Variants in CACNA1D observed in about 807,000 individuals in gnomAD.
The protein encoded by CACNA1D is calcium voltage-gated channel subunit alpha1 D, also known as voltage-dependent L-type calcium channel subunit alpha-1D.
A neutral mutation model predicts 257.1 loss-of-function variants in CACNA1D; 55 were observed. The observed-to-expected ratio is 0.21, with a 90% CI of 0.17 to 0.27. CACNA1D has a LOEUF of 0.27. Ranked by LOEUF, CACNA1D falls within the 10% of genes least tolerant of loss-of-function variation. The pLI is 1.00. For synonymous variants in CACNA1D, 980 were observed against 1,014.9 expected, an observed-to-expected ratio of 0.97 and a Z score of 0.65; for missense variants, 1,876 against 2,784.0, an observed-to-expected ratio of 0.67 and a Z score of 7.34.
At chr3:53,585,806 G>A (rs574987163) in intron 3 of CACNA1D, among the ~76,000 whole-genome samples, 1 of 152,278 alleles carries the variant, frequency 6.6e-6, no homozygotes, top group East Asian at 1.9e-4. Context: ...GTTTGACCTT[G>A]ACAACTTCCC....
At chr3:53,643,208 G>A (rs899679075) in intron 3 of CACNA1D, among the ~76,000 whole-genome samples, 1 of 152,160 alleles carries the variant, frequency 6.6e-6, no homozygotes, top group Non-Finnish European at 1.5e-5. Flanking sequence ...TCATGTAAAT[G>A]TGGTGTTAAA....
At chr3:53,613,010 G>A (rs1428433847) in intron 3 of CACNA1D, among the ~76,000 whole-genome samples, 1 of 152,140 alleles carries the variant, frequency 6.6e-6, no homozygotes, top group Non-Finnish European at 1.5e-5. Flanking sequence ...GCCGAAAAAT[G>A]CAGTTCTGTA....
chr3:53,527,780 G>A (rs2091817687), intron 3 of CACNA1D, among the ~76,000 whole-genome samples: 1 of 152,190 alleles, frequency 6.6e-6, no homozygotes, highest in Non-Finnish European at 1.5e-5. Flanking sequence ...GTGCCCAGTA[G>A]CCAATAGACT....
At chr3:53,514,534 C>A (rs1575722992) in intron 3 of CACNA1D, among the ~76,000 whole-genome samples, 1 of 152,106 alleles carries the variant, frequency 6.6e-6, no homozygotes, top group Admixed American at 6.5e-5. Flanking sequence ...GGGTCAAGCC[C>A]TTTCTGCATC....
chr3:53,715,204 A>G lies in CACNA1D; in HGVS notation c.1391-3097A>G, dbSNP rs377437175. On this transcript the variant is annotated intron_variant, in intron 9 of 47. Coordinates refer to ENST00000350061, the MANE Select transcript of CACNA1D (RefSeq NM_001128840.3). ...GTTTCCAGGACCAAATGAGGTCTCCAATTTCTAGCGTAGGCACTGTCCTCT... is the reference window on the plus strand; with the variant it reads ...GTTTCCAGGACCAAATGAGGTCTCCGATTTCTAGCGTAGGCACTGTCCTCT... Among the ~76,000 whole-genome samples, 283 of 152,264 alleles carry G rather than the reference A, an allele frequency of 1.9e-3. 6 individuals carry two copies. The South Asian group carries it at 0.048, about 26-fold the overall frequency.
intron 46 of CACNA1D, 139 bp from the exon 47 acceptor site, chr3:53,809,839 A>C: frequency 1.3e-6 from 1 of 779,886 alleles, no homozygotes; most frequent in Admixed American, 1.8e-5. Context: ...AGCGTACTTC[A>C]GTGTGCCCAT....
chr3:53,586,856 T>C (rs1254985589), intron 3 of CACNA1D, among the ~76,000 whole-genome samples: 1 of 152,168 alleles, frequency 6.6e-6, no homozygotes, highest in Non-Finnish European at 1.5e-5. Flanking sequence ...GATAATCTAA[T>C]AATTGAAAAT....
At chr3:53,525,712 T>C (rs1304473411) in intron 3 of CACNA1D, among the ~76,000 whole-genome samples, 1 of 152,172 alleles carries the variant, frequency 6.6e-6, no homozygotes, top group Non-Finnish European at 1.5e-5. Context: ...GAACGTTAAC[T>C]GAGGGAGTCA....
At chr3:53,554,223 C>G (rs2092596750) in intron 3 of CACNA1D, among the ~76,000 whole-genome samples, 1 of 151,188 alleles carries the variant, frequency 6.6e-6, no homozygotes, top group Non-Finnish European at 1.5e-5. Context: ...GGAAAATTAT[C>G]ATACAAATCA....
chr3:53,577,689 T>G (rs1426892016), intron 3 of CACNA1D, among the ~76,000 whole-genome samples: 2 of 151,788 alleles, frequency 1.3e-5, no homozygotes, highest in Non-Finnish European at 1.5e-5. Context: ...TACAACAGTG[T>G]GAGATTACAA....
chr3:53,583,614 C>T (rs1347026245), intron 3 of CACNA1D, among the ~76,000 whole-genome samples: 2 of 152,160 alleles, frequency 1.3e-5, no homozygotes, highest in East Asian at 1.9e-4. Flanking sequence ...TGCAGAACCA[C>T]GAGGTGGGAC....
intron 3 of CACNA1D, among the ~76,000 whole-genome samples, chr3:53,505,937 T>A (rs1424622958): frequency 6.6e-6 from 1 of 152,178 alleles, no homozygotes; most frequent in Non-Finnish European, 1.5e-5. Context: ...CCTCCATGGC[T>A]GAGATCTGAG....
chr3:53,529,462 T>G (rs1285773665), intron 3 of CACNA1D, among the ~76,000 whole-genome samples: 1 of 152,218 alleles, frequency 6.6e-6, no homozygotes, highest in Non-Finnish European at 1.5e-5. Flanking sequence ...GGTCTGTACA[T>G]TTTCTTTGTA....
chr3:53,678,533 A>G (rs2094397950), intron 8 of CACNA1D, among the ~76,000 whole-genome samples: 2 of 152,368 alleles, frequency 1.3e-5, no homozygotes, highest in South Asian at 4.1e-4. Flanking sequence ...TTAAGGGAAC[A>G]TGGATGAAGC....
intron 3 of CACNA1D, among the ~76,000 whole-genome samples, chr3:53,511,768 G>A (rs1195159189): frequency 6.6e-6 from 1 of 151,974 alleles, no homozygotes. Context: ...CATTTATTAC[G>A]GGTAAAATAT....
intron 5 of CACNA1D, among the ~76,000 whole-genome samples, chr3:53,665,182 A>C (rs1021378189): frequency 2.0e-5 from 3 of 152,116 alleles, no homozygotes; most frequent in Non-Finnish European, 2.9e-5. Context: ...AACACCTATT[A>C]ATTTTAACTA....
intron 37 of CACNA1D, among the ~76,000 whole-genome samples, chr3:53,778,500 A>C (rs2095409592): frequency 1.3e-5 from 2 of 152,250 alleles, no homozygotes; most frequent in African/African-American, 4.8e-5. Context: ...CAAATCATCA[A>C]TATGGAAGAG....
At chr3:53,738,049 A>G (rs2095076559) in intron 20 of CACNA1D, among the ~76,000 whole-genome samples, 1 of 152,190 alleles carries the variant, frequency 6.6e-6, no homozygotes, top group Non-Finnish European at 1.5e-5. Context: ...TCAGGCCTAG[A>G]TATTATCGTG....
At position 53,722,296 on chromosome 3, in the gene CACNA1D, T is replaced by C; in HGVS notation, c.1506-18T>C. The C allele has an allele frequency of 6.2e-7, 1 of 1,613,806 alleles. No individual in the cohort carries two copies. Among genetic ancestry groups the C allele is most frequent in the Non-Finnish European group, 8.5e-7 (1 of 1,179,908 alleles). On this transcript the variant is annotated intron_variant, in intron 11 of 47. Coordinates refer to ENST00000350061, the MANE Select transcript of CACNA1D (RefSeq NM_001128840.3). ...GCTGTATCTGTCATCTACGTAGTAA[T>C]GTTTGCTTGTCTTTTAGCCGACGCT...
Sources: allele counts gnomAD v4.1 joint callset (sites outside exome capture counted in the v4.1 genomes callset), GRCh38; gene constraint gnomAD v4.1.1; transcripts MANE v1.5; gene names NCBI Gene and HGNC (gene_info 2026-07-23, HGNC 2026-07-21).